SRD5A2: variants seen among roughly 807,000 people sequenced by gnomAD.
SRD5A2 encodes the protein 3-oxo-5-alpha-steroid 4-dehydrogenase 2.
SRD5A2 carries 30 observed loss-of-function variants against 27.4 expected under a neutral mutation model. The ratio of observed to expected loss-of-function variants is 1.10; its 90% CI spans 0.82 to 1.49. SRD5A2 has a LOEUF of 1.49. Among genes scored for constraint, SRD5A2 ranks in the 40% most tolerant of loss-of-function variants. The pLI is 0.00. For synonymous variants in SRD5A2, 141 were observed against 133.6 expected (o/e 1.06, Z -0.38); for missense variants, 348 against 323.4 (o/e 1.08, Z -0.58).
chr2:31,630,561 T>G, the SRD5A2 span, among the ~76,000 whole-genome samples: 1 of 152,146 alleles, frequency 6.6e-6, no homozygotes, highest in Non-Finnish European at 1.5e-5. Flanking sequence ...CAAAAATCCT[T>G]AACCCAGGAA....
chr2:31,543,622 C>CA (rs902322172), intron 1 of SRD5A2, among the ~76,000 whole-genome samples: 5 of 151,954 alleles, frequency 3.3e-5, no homozygotes, highest in African/African-American at 1.2e-4. Flanking sequence ...CATTAACAAT[C>CA]AAAGAGAGAT....
At chr2:31,658,815 A>G in the SRD5A2 span, among the ~76,000 whole-genome samples, 7 of 152,118 alleles carry the variant, frequency 4.6e-5, no homozygotes, top group East Asian at 5.8e-4. Context: ...CACCATTCCA[A>G]CTGAAACTAT....
intron 3 of SRD5A2, among the ~76,000 whole-genome samples, chr2:31,531,141 G>A (rs1665897846): frequency 6.6e-6 from 1 of 152,210 alleles, no homozygotes; most frequent in Non-Finnish European, 1.5e-5. Context: ...TCCGGGTATT[G>A]CGGTCTCGCA....
the SRD5A2 span, among the ~76,000 whole-genome samples, chr2:31,627,202 A>T: frequency 3.3e-5 from 5 of 151,922 alleles, no homozygotes; most frequent in Admixed American, 6.6e-5. Context: ...ATCAGTGGTG[A>T]TATCCTCTTT....
chr2:31,659,668 C>T, the SRD5A2 span, among the ~76,000 whole-genome samples: 1 of 151,968 alleles, frequency 6.6e-6, no homozygotes, highest in African/African-American at 2.4e-5. Context: ...AATCACTGCA[C>T]AAGGAAATCA....
the SRD5A2 span, among the ~76,000 whole-genome samples, chr2:31,605,495 G>C: frequency 3.4e-5 from 5 of 146,388 alleles, no homozygotes; most frequent in African/African-American, 5.2e-5. Flanking sequence ...CATCTGAATA[G>C]ACACTTCTCA....
chr2:31,584,090 G>C (rs1426322027), upstream of SRD5A2, among the ~76,000 whole-genome samples: 1 of 152,162 alleles, frequency 6.6e-6, no homozygotes, highest in African/African-American at 2.4e-5. Context: ...GTGGCCCAGG[G>C]TGTAGAGTCC....
chr2:31,554,051 G>A (rs182598230), intron 1 of SRD5A2, among the ~76,000 whole-genome samples: 6 of 152,138 alleles, frequency 3.9e-5, no homozygotes, highest in East Asian at 3.9e-4. Context: ...ATTCCTATCC[G>A]TAGGAATTCC....
chr2:31,609,107 C>T, the SRD5A2 span, among the ~76,000 whole-genome samples: 1 of 152,076 alleles, frequency 6.6e-6, no homozygotes, highest in Non-Finnish European at 1.5e-5. Flanking sequence ...AGTCCACTGA[C>T]ACCTTCATCT....
chr2:31,656,049 T>C, the SRD5A2 span, among the ~76,000 whole-genome samples: 2 of 152,174 alleles, frequency 1.3e-5, no homozygotes, highest in Non-Finnish European at 2.9e-5. Context: ...AGTTAAAGCC[T>C]GATTATATCA....
the SRD5A2 span, among the ~76,000 whole-genome samples, chr2:31,598,069 G>T: frequency 6.6e-6 from 1 of 152,072 alleles, no homozygotes; most frequent in African/African-American, 2.4e-5. Context: ...ATCAAGCAAT[G>T]AATGGATAAA....
the SRD5A2 span, among the ~76,000 whole-genome samples, chr2:31,610,524 G>T: frequency 3.9e-5 from 6 of 152,162 alleles, no homozygotes; most frequent in Admixed American, 3.3e-4. Context: ...CAAGCCCACA[G>T]CTATCATACT....
chr2:31,603,414 G>C, the SRD5A2 span, among the ~76,000 whole-genome samples: 103 of 151,878 alleles, frequency 6.8e-4, no homozygotes, highest in Middle Eastern at 6.8e-3. Context: ...AGAGGCTCAG[G>C]AGGAAAAGAA....
chr2:31,647,974 T>G, the SRD5A2 span, among the ~76,000 whole-genome samples: 4 of 152,204 alleles, frequency 2.6e-5, no homozygotes, highest in Non-Finnish European at 4.4e-5. Flanking sequence ...CAAGTGTGAG[T>G]GCTTTTGTAG....
chr2:31,545,956 T>C (rs945681533), intron 1 of SRD5A2, among the ~76,000 whole-genome samples: 2 of 152,160 alleles, frequency 1.3e-5, no homozygotes, highest in South Asian at 2.1e-4. Flanking sequence ...GAAAGTCTCA[T>C]TTACGATAGC....
chr2:31,612,457 T>C, the SRD5A2 span, among the ~76,000 whole-genome samples: 3 of 152,266 alleles, frequency 2.0e-5, no homozygotes, highest in East Asian at 3.9e-4. Flanking sequence ...GGAGTAAATT[T>C]AGCCATAGAG....
chr2:31,627,435 T>TGG, the SRD5A2 span, among the ~76,000 whole-genome samples: 1 of 149,692 alleles, frequency 6.7e-6, no homozygotes, highest in South Asian at 2.1e-4. Context: ...TGTACGGGGG[T>TGG]GTGTGTGTGT....
chr2:31,525,098 C>T lies in SRD5A2; in HGVS notation c.*1098G>A, dbSNP rs143527850. The T allele has an allele frequency of 6.9e-5, 15 of 217,994 alleles. No homozygotes were observed. The highest frequency in any genetic ancestry group is 2.0e-4 in the African/African-American group (9 of 44,544). The allele number at this position is 217,994 out of a possible 1,614,324, so 13.5% of individuals were successfully genotyped here. ...AAACAAAACAGGTTTTCTGCCCAGA[C>T]GTGCCCCTCTGTCTGCAATTTTCAG... On this transcript the variant is annotated 3_prime_UTR_variant, in exon 5 of 5. Transcript: ENST00000622030.
At position 31,580,201 on chromosome 2, in the gene SRD5A2, A is replaced by G. The variant is rs138346973; in HGVS notation, c.281+419T>C. Among the ~76,000 whole-genome samples the G allele has an allele frequency of 1.8e-4, 27 of 152,328 alleles. No individual in the cohort carries two copies. In the East Asian group the frequency reaches 5.2e-3, roughly 29 times the overall value. Reference sequence around the variant, plus strand: ...CTAATCTGTCCCCACCCTGCAAGGAAAAGGTGAAGGAAGAAAGGGAAGCGG... The same window carrying G: ...CTAATCTGTCCCCACCCTGCAAGGAGAAGGTGAAGGAAGAAAGGGAAGCGG... On this transcript the variant is annotated intron_variant, in intron 1 of 4. Coordinates refer to ENST00000622030, the MANE Select transcript of SRD5A2 (RefSeq NM_000348.4).
Sources: allele counts gnomAD v4.1 joint callset (sites outside exome capture counted in the v4.1 genomes callset), GRCh38; gene constraint gnomAD v4.1.1; transcripts MANE v1.5; gene names NCBI Gene and HGNC (gene_info 2026-07-23, HGNC 2026-07-21).